The following DOC2B variants were observed in gnomAD, a reference collection of about 807,000 sequenced individuals.
DOC2B encodes the protein double C2 domain beta.
Under a neutral mutation model 28.9 loss-of-function variants are expected in DOC2B, and 21 were observed. The ratio of observed to expected loss-of-function variants is 0.73; its 90% confidence interval spans 0.52 to 1.05. The LOEUF is 1.05. Ranked by LOEUF, DOC2B falls within the 50% of genes least tolerant of loss-of-function variation. The probability of loss-of-function intolerance (pLI) is 0.00; values close to 1 mark genes in which losing one functional copy is unlikely to be tolerated. For missense variants in DOC2B, 384 were observed against 421.1 expected (o/e 0.91, Z 0.77); for synonymous variants, 194 against 178.1 (o/e 1.09, Z -0.71).
chr17:162,252 C>A, intron 3 of DOC2B, 62 bp from the exon 4 acceptor site: 1 of 1,198,926 alleles, frequency 8.3e-7, no homozygotes. Flanking sequence ...ACAATGGCCC[C>A]CAGAGATGGC....
At position 181,582 on chromosome 17, in the gene DOC2B, C is replaced by T; in HGVS notation, c.-103G>A. On this transcript the variant is annotated 5_prime_UTR_variant, in exon 1 of 9. Coordinates refer to ENST00000613549, the MANE Select transcript of DOC2B (RefSeq NM_003585.5). This position sits in a 1 kb window ranked among gnomAD's most constrained non-coding sequence, Gnocchi z 7.0. The stretch of plus-strand genomic sequence containing the variant: ...GGGGCGCGGCGGGGGCTGCGGGCAT[C>T]GCCGGCCGCGCCCCCGGACGGCCCT... The T allele has an allele frequency of 2.1e-6, 1 of 476,178 alleles. No individual in the cohort carries two copies. Among genetic ancestry groups the T allele is most frequent in the Non-Finnish European group, 2.7e-6 (1 of 367,612 alleles). The allele number at this position is 476,178 out of a possible 1,614,324, so 29.5% of individuals were successfully genotyped here.
Position 147,172 on chromosome 17 carries a change from C to A in DOC2B, c.*269G>T. 1 of 357,694 alleles carries A rather than the reference C, an allele frequency of 2.8e-6. No individual in the cohort carries two copies. Among genetic ancestry groups the A allele is most frequent in the East Asian group, 4.0e-5 (1 of 24,694 alleles). The allele number at this position is 357,694 out of a possible 1,614,324, so 22.2% of individuals were successfully genotyped here. ...CTCCCAGATGGGCGTGTCCCCTTCC[C>A]CTGGGCAGGTGCTGAGGTCTCTTTC... On this transcript the variant is annotated 3_prime_UTR_variant, in exon 9 of 9. Transcript: ENST00000613549.
At chr17:152,298 C>T (rs564262273) in intron 6 of DOC2B, among the ~76,000 whole-genome samples, 1 of 152,312 alleles carries the variant, frequency 6.6e-6, no homozygotes, top group South Asian at 2.1e-4. Context: ...CTGCTGAGCG[C>T]GTCACACGCA....
In DOC2B at chr17:172,609, C is replaced by A. The variant is rs1371599809; in HGVS notation, c.381G>T (p.Leu127=). 1 of 1,550,568 alleles carries A rather than the reference C, an allele frequency of 6.4e-7. No individual in the cohort carries two copies. Among genetic ancestry groups the A allele is most frequent in the East Asian group, 2.4e-5 (1 of 40,908 alleles). The change falls in exon 2 of 9, where the codon CTG becomes CTT. Residue 127 remains leucine, a synonymous_variant. Transcript: ENST00000613549. ...ACAGCAGGCTGAAGTCCAGCGTGCCCAGGGCAGCTGCGGACAGAGGAGGGC... is the reference window on the plus strand; with the variant it reads ...ACAGCAGGCTGAAGTCCAGCGTGCCAAGGGCAGCTGCGGACAGAGGAGGGC... ...DGYESDDCTA[L]GTLDFSLLYD...
chr17:152,696 C>T (rs1159255908), intron 6 of DOC2B, among the ~76,000 whole-genome samples: 1 of 152,094 alleles, frequency 6.6e-6, no homozygotes, highest in Non-Finnish European at 1.5e-5. Context: ...TGCTTGAGCC[C>T]AGGAGTTTGA....
intron 2 of DOC2B, among the ~76,000 whole-genome samples, chr17:165,510 C>T (rs1033525983): frequency 2.7e-5 from 4 of 147,274 alleles, no homozygotes; most frequent in South Asian, 2.1e-4. Context: ...AAAAAAAGGG[C>T]GGGGGTGTAA....
chr17:148,487 GC>G (rs2040039094), intron 7 of DOC2B, among the ~76,000 whole-genome samples: 1 of 152,040 alleles, frequency 6.6e-6, no homozygotes. Context: ...TTGTCCCTGA[GC>G]CTGCTCTCCC....
rs567773410 is a variant in DOC2B, at chr17:158,901, C to T, written c.765+2514G>A. On this transcript the variant is annotated intron_variant, in intron 5 of 8. Transcript: ENST00000613549. ...CTCTACTAAAAATACAAAAATTAGC[C>T]GGGTGTGGTGGCGCATGCCTGTAAT... is the stretch of plus-strand genomic sequence containing the variant. Among the ~76,000 whole-genome samples the T allele has an allele frequency of 1.5e-4, 23 of 152,144 alleles. No homozygotes were observed. In the South Asian group the frequency reaches 3.3e-3, roughly 22 times the overall value.
At chr17:160,882 C>G (rs2151465809) in intron 5 of DOC2B, among the ~76,000 whole-genome samples, 1 of 152,262 alleles carries the variant, frequency 6.6e-6, no homozygotes, top group Admixed American at 6.5e-5. Context: ...CACAGGCACT[C>G]AGGTCTAACA....
rs767640232 is a variant in DOC2B, at chr17:162,085, G to A, written c.634C>T (p.Leu212=). The stretch of plus-strand genomic sequence containing the variant: ...CGGCCTGGGACCCTCACCCACCGCA[G>A]GGTCTTGCGGATCATGTCTTCATCT... The part of the protein sequence containing the change: ...ITDEDMIRKT[L]RISVCDEDKF... The change falls in exon 4 of 9, where the codon CTG becomes TTG. Residue 212 remains leucine, a synonymous_variant. Transcript: ENST00000613549. 34 of 1,549,696 alleles carry A rather than the reference G, an allele frequency of 2.2e-5. No homozygotes were observed. Among genetic ancestry groups the A allele is most frequent in the Non-Finnish European group, 2.8e-5 (32 of 1,145,200 alleles).
intron 5 of DOC2B, among the ~76,000 whole-genome samples, chr17:158,189 C>T (rs1196549827): frequency 6.6e-6 from 1 of 152,168 alleles, no homozygotes; most frequent in African/African-American, 2.4e-5. Context: ...CTTCTCCATT[C>T]CTTGCCCTCC....
intron 6 of DOC2B, among the ~76,000 whole-genome samples, chr17:151,102 C>A (rs958974031): frequency 6.6e-6 from 1 of 152,066 alleles, no homozygotes; most frequent in African/African-American, 2.4e-5. Context: ...GAGACCCCAT[C>A]TCTACCAAAA....
At chr17:178,304 A>G (rs979854503) in intron 1 of DOC2B, among the ~76,000 whole-genome samples, 2 of 152,244 alleles carry the variant, frequency 1.3e-5, no homozygotes, top group African/African-American at 2.4e-5. Context: ...TCACCCCAAC[A>G]GTGCTGAGGG....
At chr17:156,893 G>A (rs534345347) in intron 5 of DOC2B, among the ~76,000 whole-genome samples, 1 of 152,110 alleles carries the variant, frequency 6.6e-6, no homozygotes, top group Admixed American at 6.5e-5. Flanking sequence ...CTTACTTTTT[G>A]GAATGGCAGA....
intron 1 of DOC2B, among the ~76,000 whole-genome samples, chr17:174,686 T>C (rs56253579): frequency 1.3e-5 from 2 of 152,228 alleles, no homozygotes; most frequent in African/African-American, 2.4e-5. Context: ...TTTTTCTGCC[T>C]CTTCCTTTGA....
chr17:150,500 G>A (rs9747578), intron 6 of DOC2B, among the ~76,000 whole-genome samples: 1 of 64,792 alleles, frequency 1.5e-5, no homozygotes, highest in African/African-American at 4.0e-5. Context: ...CTGCATGGTT[G>A]ACACACAGTG....
intron 2 of DOC2B, among the ~76,000 whole-genome samples, chr17:169,852 T>C (rs941759492): frequency 2.6e-5 from 4 of 151,526 alleles, no homozygotes; most frequent in African/African-American, 9.7e-5. Context: ...CAGAACTGGA[T>C]TTACACAGAG....
chr17:157,139 G>C (rs1235723320), intron 5 of DOC2B, among the ~76,000 whole-genome samples: 1 of 152,188 alleles, frequency 6.6e-6, no homozygotes, highest in Admixed American at 6.5e-5. Flanking sequence ...GGCCTGGCGC[G>C]CTCGGCTTCC....
intron 2 of DOC2B, 22 bp downstream of exon 2, chr17:172,515 G>C: frequency 6.5e-7 from 1 of 1,548,468 alleles, no homozygotes; most frequent in Non-Finnish European, 8.7e-7. Context: ...AGGGAATTTG[G>C]GGGCAGGCTG....
Sources: allele counts gnomAD v4.1 joint callset (sites outside exome capture counted in the v4.1 genomes callset), GRCh38; gene constraint gnomAD v4.1.1; non-coding constraint Gnocchi (gnomAD v3.1); transcripts MANE v1.5; gene names NCBI Gene and HGNC (gene_info 2026-07-23, HGNC 2026-07-21).